ARID3A: variants seen among roughly 807,000 people sequenced by gnomAD.
The protein encoded by ARID3A is AT-rich interaction domain 3A, also known as AT-rich interactive domain-containing protein 3A.
ARID3A carries 11 observed loss-of-function variants against 52.7 expected under a neutral mutation model. The ratio of observed to expected loss-of-function variants is 0.21; its 90% CI spans 0.13 to 0.35. The LOEUF is 0.35. Among genes scored for constraint, ARID3A ranks in the 10% least tolerant of loss-of-function variants. ARID3A has a pLI of 1.00. For synonymous variants in ARID3A, 404 were observed against 359.4 expected, an observed-to-expected ratio of 1.12 and a Z score of -1.40; for missense variants, 721 against 838.5, an observed-to-expected ratio of 0.86 and a Z score of 1.73.
At position 942,337 on chromosome 19, in the gene ARID3A, C is replaced by T. The variant is rs776401784; in HGVS notation, c.693+9595C>T. 3.9e-5 allele frequency among the ~76,000 whole-genome samples: 6 copies of T among 152,178 alleles called. No homozygotes were observed. The highest frequency in any genetic ancestry group is 4.4e-5 in the Non-Finnish European group (3 of 68,028). ...TGGCGACATGGCCCCCGCAGCTGCC[C>T]GGCGGTGGCACCCAGGGGCGTCACC... On this transcript the variant is annotated intron_variant, in intron 3 of 8. Transcript: ENST00000263620. This position sits in a 1 kb window ranked among gnomAD's most constrained non-coding sequence, Gnocchi z 8.1.
chr19:955,904 A>C (rs1181631529), intron 3 of ARID3A, among the ~76,000 whole-genome samples: 1 of 152,160 alleles, frequency 6.6e-6, no homozygotes, highest in East Asian at 1.9e-4. Flanking sequence ...CCTGGAGCCC[A>C]GAGTCCAAAA....
intron 2 of ARID3A, among the ~76,000 whole-genome samples, chr19:931,823 CAA>C (rs376224000): frequency 2.6e-5 from 3 of 115,694 alleles, no homozygotes; most frequent in African/African-American, 3.1e-5. Flanking sequence ...AAAAAAAAGA[CAA>C]AAAAAAAAAA....
At chr19:948,307 G>A (rs919299219) in intron 3 of ARID3A, among the ~76,000 whole-genome samples, 3 of 151,956 alleles carry the variant, frequency 2.0e-5, no homozygotes, top group Non-Finnish European at 4.4e-5. Context: ...CAGAAACGCT[G>A]TGGACTGACA....
At position 932,635 on chromosome 19, in the gene ARID3A, G is replaced by A. The variant is rs1381950584; in HGVS notation, c.586G>A (p.Glu196Lys). ...CGTTCCCAGGGTGCTGGGGGGCCAG[G>A]AGCGGCCGGGGCCTGGCCCTGCCCA... is the stretch of plus-strand genomic sequence containing the variant. ...DGVPRVLGGQ[E>K]RPGPGPAHPG... The change falls in exon 3 of 9, where the codon GAG becomes AAG. Residue 196 changes from glutamate to lysine, a missense_variant. Glu to Lys is a moderately conservative substitution (Grantham distance 56). This residue lies in a region of ARID3A where 349 missense variants were observed against 297.3 expected (regional missense o/e 1.17). Coordinates refer to ENST00000263620, the MANE Select transcript of ARID3A (RefSeq NM_005224.3). The A allele has an allele frequency of 1.3e-6, 2 of 1,536,590 alleles. No individual in the cohort carries two copies. Among genetic ancestry groups the A allele is most frequent in the Non-Finnish European group, 1.8e-6 (2 of 1,142,764 alleles).
At chr19:934,262 C>T (rs1219716960) in intron 3 of ARID3A, among the ~76,000 whole-genome samples, 1 of 152,138 alleles carries the variant, frequency 6.6e-6, no homozygotes, top group Non-Finnish European at 1.5e-5. Flanking sequence ...AATGGGACCC[C>T]CTGACCCTGG....
chr19:967,862 T>C (rs537816047), intron 7 of ARID3A, among the ~76,000 whole-genome samples: 6 of 151,258 alleles, frequency 4.0e-5, no homozygotes, highest in African/African-American at 1.5e-4. Context: ...CTGGCCAACA[T>C]GGTGAAACCC....
chr19:932,720 C>T lies in ARID3A; in HGVS notation c.671C>T (p.Thr224Ile). The stretch of plus-strand genomic sequence containing the variant: ...CAGCCGCCTGACCACGGCGACTGGA[C>T]TTACGAGGAGCAGTTTAAGCAGGTG... Reference protein sequence around the residue: ...QLQPPDHGDWTYEEQFKQLYE... With the variant: ...QLQPPDHGDWIYEEQFKQLYE... Residue 224 changes from threonine (T) to isoleucine (I), a missense_variant, in exon 3 of 9, where the codon ACT becomes ATT. Thr to Ile is a moderately conservative substitution (Grantham distance 89, BLOSUM62 -1). This residue lies in a region of ARID3A where 27 missense variants were observed against 35.7 expected (regional missense o/e 0.76). Coordinates refer to ENST00000263620, the MANE Select transcript of ARID3A (RefSeq NM_005224.3). The T allele has an allele frequency of 6.5e-7, 1 of 1,547,350 alleles. No homozygotes were observed. Among genetic ancestry groups the T allele is most frequent in the Non-Finnish European group, 8.7e-7 (1 of 1,146,414 alleles).
intron 3 of ARID3A, among the ~76,000 whole-genome samples, chr19:955,350 C>T (rs572764107): frequency 2.0e-5 from 3 of 152,334 alleles, no homozygotes; most frequent in African/African-American, 2.4e-5. Flanking sequence ...CCCACAGCAA[C>T]GGCCATTAGA....
At chr19:946,264 T>G (rs2037677701) in intron 3 of ARID3A, among the ~76,000 whole-genome samples, 1 of 151,636 alleles carries the variant, frequency 6.6e-6, no homozygotes, top group Admixed American at 6.6e-5. Context: ...ATTTATTTAT[T>G]TATGTATTTA....
chr19:972,174 A>G lies in ARID3A; in HGVS notation c.*109A>G. ...GGCGGAAGATACGGGTGGGGAGGGA[A>G]GATATCCAGAAAGGAGCCACAGCTG... On this transcript the variant is annotated 3_prime_UTR_variant, in exon 9 of 9. Transcript: ENST00000263620. 2.0e-6 allele frequency: 2 copies of G among 1,019,046 alleles called. No homozygotes were observed. Among genetic ancestry groups the G allele is most frequent in the Non-Finnish European group, 1.4e-6 (1 of 731,332 alleles). The allele number at this position is 1,019,046 out of a possible 1,614,324, so 63.1% of individuals were successfully genotyped here. A position where few individuals can be genotyped will look rare whatever the true frequency, so the allele number is the denominator to read the frequency against.
rs112774960 is a variant in ARID3A, at chr19:939,075, C to T, written c.693+6333C>T. ...CCTCCCAAATAGCTGTGACTACAGG[C>T]GCGTGCCACCACACCTGGCCTATTT... is the stretch of plus-strand genomic sequence containing the variant. On this transcript the variant is annotated intron_variant, in intron 3 of 8. Coordinates refer to ENST00000263620, the MANE Select transcript of ARID3A (RefSeq NM_005224.3). Among the ~76,000 whole-genome samples the T allele has an allele frequency of 5.1e-3, 776 of 151,030 alleles. 8 individuals are homozygous for T. Among genetic ancestry groups the T allele is most frequent in the African/African-American group, 0.018 (738 of 41,192 alleles).
chr19:975,594 G>GAA lies in ARID3A; in HGVS notation c.*3541_*3542dup, dbSNP rs557979220. 4.5e-4 allele frequency: 74 copies of GAA among 163,500 alleles called. No homozygotes were observed. Among genetic ancestry groups the GAA allele is most frequent in the East Asian group, 5.3e-4 (5 of 9,486 alleles). 10.1% of individuals were successfully genotyped at this position (163,500 alleles called of 1,614,324 possible). On this transcript the variant is annotated 3_prime_UTR_variant, in exon 9 of 9. Coordinates refer to ENST00000263620, the MANE Select transcript of ARID3A (RefSeq NM_005224.3). ...ACGCCTGAAACTCAGGTAATAGGAG[G>GAA]AAAAAAAAAAAAACTTAAAAAAATT...
At chr19:957,333 G>C (rs1377940879) in intron 3 of ARID3A, among the ~76,000 whole-genome samples, 1 of 152,196 alleles carries the variant, frequency 6.6e-6, no homozygotes, top group African/African-American at 2.4e-5. Context: ...GGGAAGCAGG[G>C]CGGGGCTCTG....
At chr19:957,572 G>A (rs1568368260) in intron 3 of ARID3A, among the ~76,000 whole-genome samples, 1 of 152,240 alleles carries the variant, frequency 6.6e-6, no homozygotes, top group Non-Finnish European at 1.5e-5. Flanking sequence ...GGAGGGCGGT[G>A]GCTCCCGCCT....
Position 954,921 on chromosome 19 carries a change from G to A in ARID3A, c.694-5171G>A, listed in dbSNP as rs931738759. 3.9e-5 allele frequency among the ~76,000 whole-genome samples: 6 copies of A among 152,328 alleles called. No homozygotes were observed. In the East Asian group the frequency reaches 9.6e-4, roughly 24 times the overall value. On this transcript the variant is annotated intron_variant, in intron 3 of 8. Transcript: ENST00000263620. ...GCAGGCCCCAGGGAGGTCAGGCGGC[G>A]TGGAGGGGAGTGCGGGCCGCTTATC...
At chr19:930,723 A>T (rs1458326749) in intron 2 of ARID3A, among the ~76,000 whole-genome samples, 2 of 150,524 alleles carry the variant, frequency 1.3e-5, no homozygotes, top group Non-Finnish European at 3.0e-5. Context: ...GTTAGCCAAG[A>T]TGGTCTCGAT....
At chr19:966,423 A>C (rs1599426257) in intron 6 of ARID3A, 149 bp from the exon 7 acceptor site, 1 of 666,414 alleles carries the variant, frequency 1.5e-6, no homozygotes, top group South Asian at 3.1e-5. Context: ...GCACCATTGC[A>C]CTCCAGCCTG....
rs372889529 is a variant in ARID3A at position 968,362 on chromosome 19, A to C, written c.1496-43A>C. 603 of 1,574,600 alleles carry C rather than the reference A, an allele frequency of 3.8e-4. 1 individual carries two copies. The highest frequency in any genetic ancestry group is 5.1e-4 in the Non-Finnish European group (584 of 1,155,720). On this transcript the variant is annotated intron_variant, in intron 7 of 8. Coordinates refer to ENST00000263620, the MANE Select transcript of ARID3A (RefSeq NM_005224.3). ...CAACAGAGCAAGACTCTGTCTCAAAAAAAAAAAGAAAAAAAGAAACTAATT... is the reference window on the plus strand; with the variant it reads ...CAACAGAGCAAGACTCTGTCTCAAACAAAAAAAGAAAAAAAGAAACTAATT...
chr19:972,987 C>T lies in ARID3A; in HGVS notation c.*922C>T. On this transcript the variant is annotated 3_prime_UTR_variant, in exon 9 of 9. Transcript: ENST00000263620. ...ATGGGCCGGGCTGGGGCAGAGGGTGCATGCTGGGGTCCCACCGGCCAGGGG... is the reference window on the plus strand; with the variant it reads ...ATGGGCCGGGCTGGGGCAGAGGGTGTATGCTGGGGTCCCACCGGCCAGGGG... 1 of 207,556 alleles carries T rather than the reference C, an allele frequency of 4.8e-6. No individual in the cohort carries two copies. Among genetic ancestry groups the T allele is most frequent in the African/African-American group, 2.3e-5 (1 of 43,736 alleles). 12.9% of individuals were successfully genotyped at this position (207,556 alleles called of 1,614,324 possible).
Sources: gnomAD v4.1 joint callset for allele counts (sites outside exome capture counted in the v4.1 genomes callset) on GRCh38, gnomAD v4.1.1 for gene constraint, gnomAD v4.1.1 regional missense constraint, Gnocchi (gnomAD v3.1) non-coding constraint, MANE v1.5 for transcripts, NCBI Gene and HGNC (gene_info 2026-07-23, HGNC 2026-07-21) for gene names.